WDR72: variants seen among roughly 807,000 people sequenced by gnomAD.
WDR72 encodes WD repeat-containing protein 72.
A neutral mutation model predicts 124.2 loss-of-function variants in WDR72; 120 were observed. The ratio of observed to expected loss-of-function variants is 0.97; its 90% CI spans 0.83 to 1.12. The LOEUF is 1.12. WDR72 is among the 50% of genes most tolerant of loss of function. The probability of loss-of-function intolerance (pLI) is 0.00; values close to 1 mark genes in which losing one functional copy is unlikely to be tolerated. For missense variants in WDR72, 1,387 were observed against 1,278.8 expected (o/e 1.08, Z -1.29); for synonymous variants, 452 against 441.7 (o/e 1.02, Z -0.29).
intron 14 of WDR72, among the ~76,000 whole-genome samples, chr15:53,655,850 G>A (rs918364475): frequency 1.3e-5 from 2 of 152,068 alleles, no homozygotes; most frequent in African/African-American, 4.8e-5. Flanking sequence ...ATGCCACCAC[G>A]CCTGACTAAT....
chr15:53,550,053 T>G (rs1409576769), intron 18 of WDR72, among the ~76,000 whole-genome samples: 2 of 152,218 alleles, frequency 1.3e-5, no homozygotes, highest in Non-Finnish European at 2.9e-5. Context: ...ACCTGTTTAA[T>G]TGAAGCCAAC....
chr15:53,581,983 C>T (rs148888633), intron 18 of WDR72, among the ~76,000 whole-genome samples: 140 of 151,940 alleles, frequency 9.2e-4, no homozygotes, highest in African/African-American at 3.3e-3. Flanking sequence ...GCAAGGAGGA[C>T]AGGGAAAGTG....
chr15:53,683,427 T>C (rs2016472204), intron 13 of WDR72, among the ~76,000 whole-genome samples: 1 of 152,192 alleles, frequency 6.6e-6, no homozygotes, highest in African/African-American at 2.4e-5. Flanking sequence ...TATACTGGCA[T>C]ATAAGAAAGT....
At chr15:53,587,464 A>G (rs1208696616) in intron 18 of WDR72, among the ~76,000 whole-genome samples, 3 of 152,008 alleles carry the variant, frequency 2.0e-5, no homozygotes, top group African/African-American at 7.2e-5. Flanking sequence ...GTATGTTACT[A>G]TATCTTTCAG....
chr15:53,631,136 CG>C (rs1396012041), intron 14 of WDR72, among the ~76,000 whole-genome samples: 1 of 152,080 alleles, frequency 6.6e-6, no homozygotes, highest in Non-Finnish European at 1.5e-5. Context: ...GATTGGATCA[CG>C]GGGGCAGTTT....
intron 13 of WDR72, among the ~76,000 whole-genome samples, chr15:53,693,454 C>T (rs190596939): frequency 4.6e-5 from 7 of 152,258 alleles, no homozygotes; most frequent in East Asian, 3.9e-4. Flanking sequence ...CAAATCTATA[C>T]GACAAGATTA....
chr15:53,679,721 G>A (rs141746384), intron 13 of WDR72, among the ~76,000 whole-genome samples: 2 of 152,290 alleles, frequency 1.3e-5, no homozygotes, highest in African/African-American at 2.4e-5. Flanking sequence ...ATAGAGTGGA[G>A]ATGGCATTTT....
rs2015754561 is a variant in WDR72, at chr15:53,665,687, A to G, written c.1847T>C (p.Val616Ala). 4 of 1,613,932 alleles carry G rather than the reference A, an allele frequency of 2.5e-6. No homozygotes were observed. The East Asian group carries it at 8.9e-5, about 36-fold the overall frequency. Reference sequence around the variant, plus strand: ...AAGTGTCTCTGAGGCAATGGGAAGTACAGACTTCACAAGCTGTGAATCATC... The same window carrying G: ...AAGTGTCTCTGAGGCAATGGGAAGTGCAGACTTCACAAGCTGTGAATCATC... ...CCDDSQLVKS[V>A]LPIASETLKH... The change falls in exon 14 of 20, where the codon GTA becomes GCA. Residue 616 changes from valine (V) to alanine (A), a missense_variant. Physicochemically the swap from Val to Ala is moderately conservative, Grantham distance 64. Transcript: ENST00000360509.
intron 19 of WDR72, 142 bp downstream of exon 19, chr15:53,523,076 C>T: frequency 1.3e-6 from 1 of 798,838 alleles, no homozygotes; most frequent in Non-Finnish European, 2.2e-6. Context: ...ACTGTGACCC[C>T]TGGAGGTGAC....
At chr15:53,626,633 C>T (rs2014222590) in intron 14 of WDR72, among the ~76,000 whole-genome samples, 1 of 152,206 alleles carries the variant, frequency 6.6e-6, no homozygotes, top group South Asian at 2.1e-4. Context: ...GGGTTTCTAT[C>T]CCGATCTTTG....
chr15:53,745,447 T>C (rs376124470), intron 1 of WDR72, among the ~76,000 whole-genome samples: 3 of 152,214 alleles, frequency 2.0e-5, no homozygotes, highest in South Asian at 2.1e-4. Flanking sequence ...CATGAAAATA[T>C]ACAATTTGTT....
rs535344955 is a variant in WDR72 at position 53,688,236 on chromosome 15, G to A, written c.1765+11514C>T. Among the ~76,000 whole-genome samples, 73 of 145,614 alleles carry A rather than the reference G, an allele frequency of 5.0e-4. 2 individuals carry two copies. Among genetic ancestry groups the A allele is most frequent in the African/African-American group, 1.9e-3 (70 of 36,790 alleles). On this transcript the variant is annotated intron_variant, in intron 13 of 19. Transcript: ENST00000360509. ...AGGGCAATTAGGCAGGAGAAGGAAA[G>A]AAAGGGTATTCAATTAGGAAAAGAG...
intron 6 of WDR72, among the ~76,000 whole-genome samples, chr15:53,713,266 A>G (rs1365953745): frequency 6.6e-6 from 1 of 151,462 alleles, no homozygotes; most frequent in Non-Finnish European, 1.5e-5. Flanking sequence ...TTCAACAAAC[A>G]TTCTTTGGGG....
At chr15:53,518,688 C>T (rs1394974351) in intron 19 of WDR72, among the ~76,000 whole-genome samples, 4 of 151,276 alleles carry the variant, frequency 2.6e-5, no homozygotes, top group Non-Finnish European at 4.4e-5. Flanking sequence ...CAGCCATCTC[C>T]AACACTCCAG....
At chr15:53,622,081 C>G (rs2014017223) in intron 14 of WDR72, among the ~76,000 whole-genome samples, 1 of 152,142 alleles carries the variant, frequency 6.6e-6, no homozygotes, top group Admixed American at 6.6e-5. Context: ...GAGATACCAT[C>G]TCATGCCATT....
chr15:53,611,964 T>C (rs1181944426), intron 16 of WDR72, among the ~76,000 whole-genome samples: 6 of 152,118 alleles, frequency 3.9e-5, no homozygotes, highest in East Asian at 3.9e-4. Flanking sequence ...CTATGGATCA[T>C]ATGCTGCACA....
upstream of WDR72, among the ~76,000 whole-genome samples, chr15:53,761,579 G>A (rs1021974250): frequency 3.3e-5 from 5 of 152,118 alleles, no homozygotes; most frequent in East Asian, 3.9e-4. Flanking sequence ...TAATCCCAGC[G>A]CTTTAGGAGG....
chr15:53,616,770 GCT>G (rs1178622865), intron 14 of WDR72, among the ~76,000 whole-genome samples: 2 of 151,876 alleles, frequency 1.3e-5, no homozygotes, highest in Non-Finnish European at 2.9e-5. Context: ...TGCCCCAAAG[GCT>G]GGCACAGTGG....
intron 13 of WDR72, among the ~76,000 whole-genome samples, chr15:53,677,077 C>G (rs775033070): frequency 1.3e-5 from 2 of 151,956 alleles, no homozygotes; most frequent in South Asian, 4.2e-4. Context: ...CCCTCCCGCA[C>G]GCCCAGCTAA....
Sources: gnomAD v4.1 joint callset for allele counts (sites outside exome capture counted in the v4.1 genomes callset) on GRCh38, gnomAD v4.1.1 for gene constraint, MANE v1.5 for transcripts, NCBI Gene and HGNC (gene_info 2026-07-23, HGNC 2026-07-21) for gene names.